EIF1AD: variants seen among roughly 807,000 people sequenced by gnomAD.
EIF1AD encodes the protein probable RNA-binding protein EIF1AD.
EIF1AD carries 9 observed loss-of-function variants against 21.7 expected under a neutral mutation model. The observed-to-expected ratio is 0.41, with a 90% CI of 0.25 to 0.72. The LOEUF (loss-of-function observed/expected upper bound fraction) is 0.72. EIF1AD is among the 30% of genes least tolerant of loss of function. The pLI is 0.29. For synonymous variants in EIF1AD, 78 were observed against 70.9 expected, an observed-to-expected ratio of 1.10 and a Z score of -0.50; for missense variants, 164 against 199.7, an observed-to-expected ratio of 0.82 and a Z score of 1.08.
intron 3 of EIF1AD, 153 bp from the exon 4 acceptor site, chr11:65,999,828 G>T: frequency 1.5e-6 from 1 of 663,852 alleles, no homozygotes; most frequent in East Asian, 2.7e-5. Flanking sequence ...TGTTGCCCAG[G>T]CTGGCAAGCA....
chr11:65,999,257 G>A, intron 5 of EIF1AD, 93 bp downstream of exon 5: 1 of 1,538,166 alleles, frequency 6.5e-7, no homozygotes, highest in South Asian at 1.1e-5. Context: ...GATACCCTAT[G>A]TAAGGAGGAA....
chr11:65,998,831 C>G, intron 5 of EIF1AD, 88 bp from the exon 6 acceptor site: 1 of 1,487,912 alleles, frequency 6.7e-7, no homozygotes, highest in Non-Finnish European at 9.2e-7. Context: ...AAGGACCATC[C>G]GGCCCAGCAG....
Position 65,996,652 on chromosome 11 carries a change from A to G in EIF1AD, c.*1947T>C, listed in dbSNP as rs1158911686. On this transcript the variant is annotated 3_prime_UTR_variant, in exon 6 of 6. Coordinates refer to ENST00000533544, the MANE Select transcript of EIF1AD (RefSeq NM_001242481.2). ...ATGTATATATGTTTAAAGCCACGCTATAAGAGAAAGTAAATGAGAAACAGA... is the reference window on the plus strand; with the variant it reads ...ATGTATATATGTTTAAAGCCACGCTGTAAGAGAAAGTAAATGAGAAACAGA... The G allele has an allele frequency of 2.6e-5, 4 of 152,168 alleles. No homozygotes were observed. Among genetic ancestry groups the G allele is most frequent in the Non-Finnish European group, 5.9e-5 (4 of 68,024 alleles). The allele number at this position is 152,168 out of a possible 1,614,324, so 9.4% of individuals were successfully genotyped here. A position where few individuals can be genotyped will look rare whatever the true frequency, so the allele number is the denominator to read the frequency against.
chr11:65,998,732 G>A lies in EIF1AD; in HGVS notation c.365C>T (p.Pro122Leu). 1.2e-6 allele frequency: 2 copies of A among 1,614,126 alleles called. No individual in the cohort carries two copies. Among genetic ancestry groups the A allele is most frequent in the Non-Finnish European group, 1.7e-6 (2 of 1,180,012 alleles). ...TAACTGTGGCTCAGCTGGGAGTTCT[G>A]GTTGAGTTTGTCTGCACGAAGGGAA... ...KHNNRNRQTQ[P>L]ELPAEPQLSG... Residue 122 changes from proline (P) to leucine (L), a missense_variant, in exon 6 of 6, where the codon CCA (proline) becomes CTA (leucine). Physicochemically the swap from Pro to Leu is moderately conservative, Grantham distance 98. Transcript: ENST00000533544.
rs562873348 is a variant in EIF1AD, at chr11:66,001,593, G to GT, written c.-117+316dup. 2.7e-3 allele frequency among the ~76,000 whole-genome samples: 407 copies of GT among 151,736 alleles called. 2 individuals are homozygous for GT. Among genetic ancestry groups the GT allele is most frequent in the African/African-American group, 9.0e-3 (372 of 41,360 alleles). On this transcript the variant is annotated intron_variant, in intron 1 of 5. Coordinates refer to ENST00000533544, the MANE Select transcript of EIF1AD (RefSeq NM_001242481.2). ...CTCTGGAAGGAGTTTGAAATAAACCGTATCTTTCTCAACACGCTTGTACAC... is the reference window on the plus strand; with the variant it reads ...CTCTGGAAGGAGTTTGAAATAAACCGTTATCTTTCTCAACACGCTTGTACAC...
chr11:66,000,474 GGACTGT>G lies in EIF1AD; in HGVS notation c.-91_-86del. 1.5e-6 allele frequency: 2 copies of G among 1,376,816 alleles called. No homozygotes were observed. Among genetic ancestry groups the G allele is most frequent in the Non-Finnish European group, 1.0e-6 (1 of 994,464 alleles). 85.3% of individuals were successfully genotyped at this position (1,376,816 alleles called of 1,614,324 possible). On this transcript the variant is annotated 5_prime_UTR_variant, in exon 2 of 6. Coordinates refer to ENST00000533544, the MANE Select transcript of EIF1AD (RefSeq NM_001242481.2). ...CCTTGGATGGCAGGCTCAGAACCCA[GGACTGT>G]TCTGAAGATGGGGAGGGGCCTTTTA...
intron 3 of EIF1AD, 128 bp downstream of exon 3, chr11:65,999,925 G>C (rs574371588): frequency 1.2e-5 from 9 of 723,626 alleles, no homozygotes; most frequent in Non-Finnish European, 2.1e-5. Flanking sequence ...TGGGATCACA[G>C]GCACGTGCCC....
chr11:65,999,998 G>T, intron 3 of EIF1AD, 55 bp downstream of exon 3: 2 of 1,412,602 alleles, frequency 1.4e-6, no homozygotes, highest in South Asian at 2.3e-5. Flanking sequence ...GGTCTCAAGC[G>T]ATCCTCCCAT....
rs1855808498 is a variant in EIF1AD at position 65,998,382 on chromosome 11, CAT to C, written c.*215_*216del. The C allele has an allele frequency of 2.5e-6, 1 of 400,700 alleles. No homozygotes were observed. Among genetic ancestry groups the C allele is most frequent in the South Asian group, 4.7e-5 (1 of 21,468 alleles). The allele number at this position is 400,700 out of a possible 1,614,324, so 24.8% of individuals were successfully genotyped here. A position where few individuals can be genotyped will look rare whatever the true frequency, so the allele number is the denominator to read the frequency against. On this transcript the variant is annotated 3_prime_UTR_variant, in exon 6 of 6. Coordinates refer to ENST00000533544, the MANE Select transcript of EIF1AD (RefSeq NM_001242481.2). ...ATAAATAGGGAGCAGTTTTTCACTT[CAT>C]CACAATCTCCCTCCCCCGAGAGAGC...
rs1338440813 is a variant in EIF1AD at position 65,998,629 on chromosome 11, C to T, written c.468G>A (p.Glu156=). ...CTGCCTCCTCCTCTTCACTCTCCTC[C>T]TCACTCTCATGATACTGTCTGCGGT... ...NTNRRQYHES[E]EESEEEEAA The change falls in exon 6 of 6, where the codon GAG becomes GAA. Residue 156 remains glutamate, a synonymous_variant. Transcript: ENST00000533544. The T allele has an allele frequency of 1.9e-6, 3 of 1,613,936 alleles. No homozygotes were observed. The highest frequency in any genetic ancestry group is 2.5e-6 in the Non-Finnish European group (3 of 1,180,022).
At position 66,000,350 on chromosome 11, in the gene EIF1AD, C is replaced by T; in HGVS notation, c.40G>A (p.Val14Met). The T allele has an allele frequency of 1.9e-6, 3 of 1,613,322 alleles. No homozygotes were observed. The highest frequency in any genetic ancestry group is 2.5e-6 in the Non-Finnish European group (3 of 1,179,696). ...GAGGGCACTATGTGCTCCCCTAGCACCTCCTTCACCACATGCTTCCTCTTG... is the reference window on the plus strand; with the variant it reads ...GAGGGCACTATGTGCTCCCCTAGCATCTCCTTCACCACATGCTTCCTCTTG... ...ATKRKHVVKE[V>M]LGEHIVPSDQ... Residue 14 changes from valine (V) to methionine (M), a missense_variant, in exon 2 of 6, where the codon GTG (valine) becomes ATG (methionine). Transcript: ENST00000533544.
In EIF1AD at chr11:65,996,592, T is replaced by C. The variant is rs192666326; in HGVS notation, c.*2007A>G. The C allele has an allele frequency of 3.3e-5, 5 of 152,186 alleles. No homozygotes were observed. The highest frequency in any genetic ancestry group is 1.2e-4 in the African/African-American group (5 of 41,520). The allele number at this position is 152,186 out of a possible 1,614,324, so 9.4% of individuals were successfully genotyped here. On this transcript the variant is annotated 3_prime_UTR_variant, in exon 6 of 6. Transcript: ENST00000533544. ...TTTTTTGTATATACATCTACATACA[T>C]TTTATACATTATATTCATATATACA... is the stretch of plus-strand genomic sequence containing the variant.
chr11:65,999,257 G>T, intron 5 of EIF1AD, 93 bp downstream of exon 5: 1 of 1,538,164 alleles, frequency 6.5e-7, no homozygotes. Context: ...GATACCCTAT[G>T]TAAGGAGGAA....
At chr11:65,998,828 A>G (rs1855826440) in intron 5 of EIF1AD, 85 bp from the exon 6 acceptor site, 6 of 1,509,774 alleles carry the variant, frequency 4.0e-6, no homozygotes, top group East Asian at 2.3e-5. Flanking sequence ...AAAAAGGACC[A>G]TCCGGCCCAG....
chr11:66,001,640 C>T (rs1367275362), intron 1 of EIF1AD, among the ~76,000 whole-genome samples: 2 of 152,144 alleles, frequency 1.3e-5, no homozygotes, highest in East Asian at 3.8e-4. Flanking sequence ...CATAGTCACA[C>T]AACAGAGAAG....
intron 1 of EIF1AD, among the ~76,000 whole-genome samples, chr11:66,001,499 C>G (rs960200862): frequency 2.0e-5 from 3 of 149,410 alleles, no homozygotes; most frequent in African/African-American, 7.4e-5. Context: ...AAAAGTAACT[C>G]CTATAATCTT....
Position 66,000,356 on chromosome 11 carries a change from T to C in EIF1AD, c.34A>G (p.Lys12Glu). 6.2e-7 allele frequency: 1 copy of C among 1,613,042 alleles called. No individual in the cohort carries two copies. The highest frequency in any genetic ancestry group is 8.5e-7 in the Non-Finnish European group (1 of 1,179,574). The change falls in exon 2 of 6, where the codon AAG (lysine) becomes GAG (glutamate). Residue 12 changes from lysine (K) to glutamate (E), a missense_variant. Coordinates refer to ENST00000533544, the MANE Select transcript of EIF1AD (RefSeq NM_001242481.2). Reference sequence around the variant, plus strand: ...ACTATGTGCTCCCCTAGCACCTCCTTCACCACATGCTTCCTCTTGGTGGCC... The same window carrying C: ...ACTATGTGCTCCCCTAGCACCTCCTCCACCACATGCTTCCTCTTGGTGGCC... Reference protein sequence around the residue: ...SQATKRKHVVKEVLGEHIVPS... With the variant: ...SQATKRKHVVEEVLGEHIVPS...
At chr11:65,998,837 A>AGCAGTCAG in intron 5 of EIF1AD, 94 bp from the exon 6 acceptor site, 1 of 1,422,890 alleles carries the variant, frequency 7.0e-7, no homozygotes, top group East Asian at 2.3e-5. Context: ...CATCCGGCCC[A>AGCAGTCAG]GCAGTCAGGG....
At chr11:65,999,955 G>A in intron 3 of EIF1AD, 98 bp downstream of exon 3, 1 of 982,970 alleles carries the variant, frequency 1.0e-6, no homozygotes, top group East Asian at 2.4e-5. Flanking sequence ...TTTTCTTTTT[G>A]TAGAGACAAG....
Sources: allele counts gnomAD v4.1 joint callset (sites outside exome capture counted in the v4.1 genomes callset), GRCh38; gene constraint gnomAD v4.1.1; transcripts MANE v1.5; gene names NCBI Gene and HGNC (gene_info 2026-07-23, HGNC 2026-07-21).